The following MET variants were observed in gnomAD, a reference collection of about 807,000 sequenced individuals.
MET encodes the protein MET proto-oncogene, receptor tyrosine kinase, also known as hepatocyte growth factor receptor.
MET carries 48 observed loss-of-function variants against 133.1 expected under a neutral mutation model. The ratio of observed to expected loss-of-function variants is 0.36; its 90% CI spans 0.29 to 0.46. The LOEUF is 0.46. Among genes scored for constraint, MET ranks in the 20% least tolerant of loss-of-function variants. The pLI, the probability that MET is intolerant of heterozygous loss-of-function variation, is 1.00. For synonymous variants in MET, 628 were observed against 616.5 expected (o/e 1.02, Z -0.28); for missense variants, 1,442 against 1,695.9 (o/e 0.85, Z 2.63).
intron 2 of MET, among the ~76,000 whole-genome samples, chr7:116,706,656 G>T (rs1791806098): frequency 6.6e-6 from 1 of 151,960 alleles, no homozygotes; most frequent in South Asian, 2.1e-4. Context: ...AGAAAAATGG[G>T]GACCCATCAG....
chr7:116,769,680 A>G lies in MET; in HGVS notation c.2619A>G (p.Glu873=). Reference sequence around the variant, plus strand: ...TTGACCCTGAAGCAGTTAAAGGTGAAGTGTTAAAAGTTGGAAATAAGAGCT... The same window carrying G: ...TTGACCCTGAAGCAGTTAAAGGTGAGGTGTTAAAAGTTGGAAATAAGAGCT... ...NDIDPEAVKG[E]VLKVGNKSCE... is the part of the protein sequence containing the mutation. Residue 873 remains glutamate, a synonymous_variant, in exon 12 of 21, where the codon GAA becomes GAG. Coordinates refer to ENST00000397752, the MANE Select transcript of MET (RefSeq NM_000245.4). The G allele has an allele frequency of 6.2e-7, 1 of 1,612,886 alleles. No individual in the cohort carries two copies. Among genetic ancestry groups the G allele is most frequent in the South Asian group, 1.1e-5 (1 of 91,056 alleles).
chr7:116,692,886 T>C (rs994945808), intron 1 of MET, among the ~76,000 whole-genome samples: 2 of 152,260 alleles, frequency 1.3e-5, no homozygotes, highest in Non-Finnish European at 2.9e-5. Flanking sequence ...TCTTTACGTG[T>C]TCCTTTTAGC....
intron 1 of MET, among the ~76,000 whole-genome samples, chr7:116,684,449 G>A (rs941313459): frequency 2.0e-5 from 3 of 152,232 alleles, no homozygotes; most frequent in Non-Finnish European, 4.4e-5. Context: ...TTACTATATA[G>A]TGTGGTAAAG....
intron 2 of MET, among the ~76,000 whole-genome samples, chr7:116,725,292 A>G (rs981461485): frequency 6.6e-6 from 1 of 152,050 alleles, no homozygotes; most frequent in African/African-American, 2.4e-5. Context: ...ACCATAATCT[A>G]CTCTGCAAAT....
rs1795676076 is a variant in MET at position 116,796,313 on chromosome 7, T to A, written c.*189T>A. 4 of 640,320 alleles carry A rather than the reference T, an allele frequency of 6.2e-6. No individual in the cohort carries two copies. The highest frequency in any genetic ancestry group is 1.1e-5 in the Non-Finnish European group (4 of 363,280). The allele number at this position is 640,320 out of a possible 1,614,324, so 39.7% of individuals were successfully genotyped here. Reference sequence around the variant, plus strand: ...CAGAGCATCAGAACCAGAGGCTTGGTCCCACAGGCCACGGACCAATGGCCT... The same window carrying A: ...CAGAGCATCAGAACCAGAGGCTTGGACCCACAGGCCACGGACCAATGGCCT... On this transcript the variant is annotated 3_prime_UTR_variant, in exon 21 of 21. Coordinates refer to ENST00000397752, the MANE Select transcript of MET (RefSeq NM_000245.4).
At chr7:116,693,443 C>G (rs762239246) in intron 1 of MET, among the ~76,000 whole-genome samples, 23 of 152,112 alleles carry the variant, frequency 1.5e-4, no homozygotes, top group Non-Finnish European at 2.5e-4. Flanking sequence ...ACAGCTGGTT[C>G]AGCATTATAA....
At chr7:116,753,992 G>A (rs1562918762) in intron 5 of MET, among the ~76,000 whole-genome samples, 2 of 152,146 alleles carry the variant, frequency 1.3e-5, no homozygotes, top group African/African-American at 2.4e-5. Flanking sequence ...AAAATTAGCT[G>A]GGTGAGGTGG....
At chr7:116,789,274 C>T (rs150169068) in intron 19 of MET, among the ~76,000 whole-genome samples, 3 of 152,298 alleles carry the variant, frequency 2.0e-5, no homozygotes, top group Non-Finnish European at 2.9e-5. Context: ...TGGAACCATT[C>T]CCATCAATAA....
At chr7:116,787,669 C>T (rs940508284) in intron 19 of MET, among the ~76,000 whole-genome samples, 7 of 152,214 alleles carry the variant, frequency 4.6e-5, no homozygotes, top group African/African-American at 1.7e-4. Context: ...AAAGATCCCT[C>T]CTCTGAACAC....
intron 2 of MET, among the ~76,000 whole-genome samples, chr7:116,716,495 AAGAAAG>A (rs1792233081): frequency 6.7e-6 from 1 of 149,892 alleles, no homozygotes; most frequent in African/African-American, 2.5e-5. Flanking sequence ...GAAAGAAAGA[AAGAAAG>A]AAAGAAAGAA....
chr7:116,728,321 C>G (rs1792873047), intron 2 of MET, among the ~76,000 whole-genome samples: 1 of 152,124 alleles, frequency 6.6e-6, no homozygotes, highest in East Asian at 1.9e-4. Context: ...GCAATAGAGA[C>G]ATAATTTAAT....
chr7:116,786,235 A>T lies in MET; in HGVS notation c.3798+2766A>T, dbSNP rs185596181. ...TTCTTAGAAGGGCACTAATCCCAGCATGAATGCCCACCCTCATGACCTTGT... is the reference window on the plus strand; with the variant it reads ...TTCTTAGAAGGGCACTAATCCCAGCTTGAATGCCCACCCTCATGACCTTGT... On this transcript the variant is annotated intron_variant, in intron 19 of 20. Transcript: ENST00000397752. Among the ~76,000 whole-genome samples, 164 of 152,334 alleles carry T rather than the reference A, an allele frequency of 1.1e-3. 3 individuals carry two copies. Among genetic ancestry groups the T allele is most frequent in the Admixed American group, 9.9e-3 (151 of 15,300 alleles).
At chr7:116,765,171 G>T (rs1015050666) in intron 11 of MET, among the ~76,000 whole-genome samples, 1 of 151,512 alleles carries the variant, frequency 6.6e-6, no homozygotes, top group Non-Finnish European at 1.5e-5. Context: ...ATGGTGGTGG[G>T]TGCCTGTAAT....
intron 2 of MET, among the ~76,000 whole-genome samples, chr7:116,721,209 T>C (rs2116712605): frequency 6.6e-6 from 1 of 152,356 alleles, no homozygotes; most frequent in South Asian, 2.1e-4. Context: ...CCTGGTTTAG[T>C]CTTGGGAGAG....
At chr7:116,710,519 T>A (rs1791955539) in intron 2 of MET, among the ~76,000 whole-genome samples, 1 of 152,084 alleles carries the variant, frequency 6.6e-6, no homozygotes, top group African/African-American at 2.4e-5. Context: ...TTAGGCTGAG[T>A]AGGTAGCATA....
At chr7:116,716,353 AGAGG>A (rs1345545341) in intron 2 of MET, among the ~76,000 whole-genome samples, 1 of 146,532 alleles carries the variant, frequency 6.8e-6, no homozygotes, top group Non-Finnish European at 1.5e-5. Context: ...AAACGGAGAG[AGAGG>A]GAGGGAGGGA....
intron 15 of MET, among the ~76,000 whole-genome samples, chr7:116,775,935 T>C (rs891521372): frequency 2.6e-5 from 4 of 152,104 alleles, no homozygotes; most frequent in African/African-American, 9.7e-5. Flanking sequence ...AATTTCTTTA[T>C]ACAAAGATAA....
chr7:116,679,892 C>T (rs1404448573), intron 1 of MET, among the ~76,000 whole-genome samples: 1 of 152,220 alleles, frequency 6.6e-6, no homozygotes, highest in African/African-American at 2.4e-5. Flanking sequence ...TTGGAGACAG[C>T]AGCTCCTTCT....
rs202110450 is a variant in MET, at chr7:116,778,843, T to C, written c.3408T>C (p.His1136=). Residue 1136 remains histidine, a synonymous_variant, in exon 17 of 21, where the codon CAT becomes CAC. Coordinates refer to ENST00000397752, the MANE Select transcript of MET (RefSeq NM_000245.4). ...GAATCATCATGAAAGATTTTAGTCATCCCAATGTCCTCTCGCTCCTGGGAA... is the reference window on the plus strand; with the variant it reads ...GAATCATCATGAAAGATTTTAGTCACCCCAATGTCCTCTCGCTCCTGGGAA... ...TEGIIMKDFS[H]PNVLSLLGIC... 1 of 1,613,938 alleles carries C rather than the reference T, an allele frequency of 6.2e-7. No individual in the cohort carries two copies. Among genetic ancestry groups the C allele is most frequent in the Non-Finnish European group, 8.5e-7 (1 of 1,179,980 alleles).
Sources: gnomAD v4.1 joint callset for allele counts (sites outside exome capture counted in the v4.1 genomes callset) on GRCh38, gnomAD v4.1.1 for gene constraint, MANE v1.5 for transcripts, NCBI Gene and HGNC (gene_info 2026-07-23, HGNC 2026-07-21) for gene names.